The following SEPTIN6 variants were observed in gnomAD, a reference collection of about 807,000 sequenced individuals.
SEPTIN6 encodes the protein septin 6.
Under a neutral mutation model 33.6 loss-of-function variants are expected in SEPTIN6, and 8 were observed. The observed-to-expected ratio is 0.24, with a 90% confidence interval of 0.14 to 0.43. The LOEUF (loss-of-function observed/expected upper bound fraction) is 0.43. Among genes scored for constraint, SEPTIN6 ranks in the 20% least tolerant of loss-of-function variants. The pLI is 1.00. For synonymous variants in SEPTIN6, 131 were observed against 140.0 expected, an observed-to-expected ratio of 0.94 and a Z score of 0.45; for missense variants, 250 against 340.8, an observed-to-expected ratio of 0.73 and a Z score of 2.10.
chrX:119,690,184 G>A (rs1178671803), intron 1 of SEPTIN6, among the ~76,000 whole-genome samples: 4 of 111,568 alleles, frequency 3.6e-5, no homozygotes, highest in African/African-American at 1.3e-4. Flanking sequence ...CATTCAAATG[G>A]GACGGACTTG....
At chrX:119,647,640 C>G (rs375643233) in intron 5 of SEPTIN6, among the ~76,000 whole-genome samples, 1 of 108,115 alleles carries the variant, frequency 9.2e-6, no homozygotes, top group African/African-American at 3.4e-5. Flanking sequence ...TACAGGTGTG[C>G]GCCACAGCAC....
chrX:119,616,664 T>C, downstream of SEPTIN6: 2 of 1,166,434 alleles, frequency 1.7e-6, no homozygotes, highest in South Asian at 3.7e-5. Flanking sequence ...TTTGAGACAA[T>C]ATGGAACCCT....
At chrX:119,663,448 T>TGC in intron 3 of SEPTIN6, 34 bp downstream of exon 3, 86 of 750,952 alleles carry the variant, frequency 1.1e-4, no homozygotes, top group Non-Finnish European at 1.5e-4. Flanking sequence ...TCTACCAACC[T>TGC]CCCCACCCTA....
chrX:119,615,749 A>G (rs1001499934), downstream of SEPTIN6: 1 of 139,520 alleles, frequency 7.2e-6, no homozygotes, highest in Non-Finnish European at 1.4e-5. Context: ...AATTTTATTG[A>G]AAATTGACAT....
At chrX:119,680,285 G>A (rs1265397841) in intron 1 of SEPTIN6, among the ~76,000 whole-genome samples, 1 of 108,240 alleles carries the variant, frequency 9.2e-6, no homozygotes, top group Non-Finnish European at 1.9e-5. Flanking sequence ...GAGTGCAGTG[G>A]CACAATCTCG....
intron 3 of SEPTIN6, 104 bp from the exon 4 acceptor site, chrX:119,653,144 C>G (rs960394221): frequency 4.8e-5 from 30 of 622,024 alleles, no homozygotes; most frequent in African/African-American, 4.7e-4. Flanking sequence ...TGACTCTCTC[C>G]CATCCAACTG....
intron 1 of SEPTIN6, among the ~76,000 whole-genome samples, chrX:119,677,203 C>G (rs1195981027): frequency 8.9e-6 from 1 of 112,072 alleles, no homozygotes; most frequent in Non-Finnish European, 1.9e-5. Flanking sequence ...TCAGCCAAGC[C>G]ACTCCCAGCC....
chrX:119,656,141 A>G (rs763612983), intron 3 of SEPTIN6, among the ~76,000 whole-genome samples: 8 of 112,357 alleles, frequency 7.1e-5, no homozygotes, highest in Non-Finnish European at 1.5e-4. Flanking sequence ...TTAGGCATTT[A>G]AAAACATTAT....
chrX:119,625,272 G>T, intron 10 of SEPTIN6, 63 bp downstream of exon 10: 1 of 766,909 alleles, frequency 1.3e-6, no homozygotes, highest in Non-Finnish European at 2.0e-6. Context: ...TTGGGGGTGC[G>T]GGATTGGGGG....
chrX:119,627,307 G>A (rs1470180007), intron 9 of SEPTIN6, among the ~76,000 whole-genome samples: 1 of 110,859 alleles, frequency 9.0e-6, no homozygotes, highest in African/African-American at 3.3e-5. Flanking sequence ...GGGCACCACA[G>A]GAGTTTTTCT....
chrX:119,648,509 G>A (rs984025171), intron 5 of SEPTIN6, among the ~76,000 whole-genome samples: 5 of 111,579 alleles, frequency 4.5e-5, no homozygotes, highest in African/African-American at 1.6e-4. Context: ...GAGAGGACAA[G>A]TGCTAATCTT....
chrX:119,663,593 G>A lies in SEPTIN6; in HGVS notation c.230C>T (p.Pro77Leu), dbSNP rs758319667. The change falls in exon 3 of 11, where the codon CCG becomes CTG. Residue 77 changes from proline to leucine, a missense_variant. Transcript: ENST00000394610. ...GGTATTAGACTGGAGCTGGACACCC[G>A]GCTGTGTGTGGGTGGCTGGCTCCCC... Reference protein sequence around the residue: ...FEGEPATHTQPGVQLQSNTYD... With the variant: ...FEGEPATHTQLGVQLQSNTYD... 5.8e-6 allele frequency: 7 copies of A among 1,207,730 alleles called. No individual in the cohort carries two copies. The African/African-American group carries it at 7.0e-5, about 12-fold the overall frequency.
chrX:119,665,942 C>A (rs1354636912), intron 2 of SEPTIN6, among the ~76,000 whole-genome samples: 1 of 110,021 alleles, frequency 9.1e-6, no homozygotes, highest in African/African-American at 3.3e-5. Context: ...ATTAGCCAGG[C>A]GTGATGGTGG....
intron 4 of SEPTIN6, among the ~76,000 whole-genome samples, chrX:119,650,966 CAAG>C (rs1489891582): frequency 9.0e-6 from 1 of 111,368 alleles, no homozygotes; most frequent in Admixed American, 9.6e-5. Flanking sequence ...GAAATTCCTC[CAAG>C]AAGGGACAAG....
intron 1 of SEPTIN6, among the ~76,000 whole-genome samples, chrX:119,688,964 G>A (rs1003546604): frequency 1.1e-4 from 12 of 110,947 alleles, no homozygotes; most frequent in African/African-American, 3.6e-4. Flanking sequence ...ACCTCAAAGG[G>A]AATCAAAGGG....
At position 119,675,410 on chromosome X, in the gene SEPTIN6, G is replaced by A. The variant is rs774331175; in HGVS notation, c.145+144C>T. Reference sequence around the variant, plus strand: ...ACAGCCAGCTGTTTACAAAAAACAGGCAGAGAGATAAAAGAAGAGGGGAGA... The same window carrying A: ...ACAGCCAGCTGTTTACAAAAAACAGACAGAGAGATAAAAGAAGAGGGGAGA... On this transcript the variant is annotated intron_variant, in intron 2 of 10. Coordinates refer to ENST00000394610, the MANE Select transcript of SEPTIN6 (RefSeq NM_145799.4). 8 of 339,896 alleles carry A rather than the reference G, an allele frequency of 2.4e-5. No homozygotes were observed. The Admixed American group carries it at 4.8e-4, about 20-fold the overall frequency. 28.0% of individuals were successfully genotyped at this position (339,896 alleles called of 1,213,427 possible). A position where few individuals can be genotyped will look rare whatever the true frequency, so the allele number is the denominator to read the frequency against.
In SEPTIN6 at chrX:119,618,669, G is replaced by A. The variant is rs757358801; in HGVS notation, c.*1424C>T. ...TGGCAGGATAGGGGTGGGGGGCCTC[G>A]CTGCCTGGCACCCCAAAGGAAAGCT... On this transcript the variant is annotated 3_prime_UTR_variant, in exon 11 of 11. Coordinates refer to ENST00000394610, the MANE Select transcript of SEPTIN6 (RefSeq NM_145799.4). The A allele has an allele frequency of 3.4e-6, 4 of 1,177,949 alleles. No individual in the cohort carries two copies. Among genetic ancestry groups the A allele is most frequent in the Admixed American group, 2.3e-5 (1 of 42,676 alleles).
At chrX:119,627,923 C>G (rs373149905) in intron 9 of SEPTIN6, among the ~76,000 whole-genome samples, 204 of 104,742 alleles carry the variant, frequency 1.9e-3, no homozygotes, top group African/African-American at 6.7e-3. Context: ...CTCAGCCTCC[C>G]AAGTAGCTGG....
intron 5 of SEPTIN6, among the ~76,000 whole-genome samples, chrX:119,647,271 G>C (rs2147521788): frequency 9.2e-6 from 1 of 108,614 alleles, no homozygotes; most frequent in South Asian, 4.0e-4. Context: ...AAGGGAGTAA[G>C]TGGTGAGTGA....
Sources: allele counts gnomAD v4.1 joint callset (sites outside exome capture counted in the v4.1 genomes callset), GRCh38; gene constraint gnomAD v4.1.1; transcripts MANE v1.5; gene names NCBI Gene and HGNC (gene_info 2026-07-23, HGNC 2026-07-21).